The following COL25A1 variants were observed in gnomAD, a reference collection of about 807,000 sequenced individuals.
COL25A1 encodes collagen type XXV alpha 1 chain, also known as collagen alpha-1(XXV) chain.
In COL25A1, 103 loss-of-function variants were observed where a neutral mutation model predicts 128.4. The observed-to-expected ratio is 0.80, with a 90% confidence interval of 0.68 to 0.94. COL25A1 has a LOEUF of 0.94. Ranked by LOEUF, COL25A1 falls within the 40% of genes least tolerant of loss-of-function variation. COL25A1 has a pLI of 0.00. For synonymous variants in COL25A1, 279 were observed against 277.2 expected, an observed-to-expected ratio of 1.01 and a Z score of -0.06; for missense variants, 745 against 840.0, an observed-to-expected ratio of 0.89 and a Z score of 1.40.
At chr4:109,102,884 T>C (rs972559186) in intron 3 of COL25A1, among the ~76,000 whole-genome samples, 5 of 152,170 alleles carry the variant, frequency 3.3e-5, no homozygotes, top group Non-Finnish European at 7.4e-5. Context: ...ATCTGAAAAA[T>C]CTCTGCCTTT....
chr4:108,904,460 T>C (rs1743222597), intron 13 of COL25A1, among the ~76,000 whole-genome samples: 1 of 152,196 alleles, frequency 6.6e-6, no homozygotes, highest in Non-Finnish European at 1.5e-5. Context: ...GAATAAAGCA[T>C]ACATCTTATA....
chr4:109,138,293 A>T (rs751513398), intron 3 of COL25A1, among the ~76,000 whole-genome samples: 1 of 152,128 alleles, frequency 6.6e-6, no homozygotes, highest in Non-Finnish European at 1.5e-5. Flanking sequence ...AGCTTCATCC[A>T]TGTCCCTGCA....
intron 3 of COL25A1, among the ~76,000 whole-genome samples, chr4:109,201,270 T>C (rs1169433141): frequency 6.6e-6 from 1 of 152,134 alleles, no homozygotes; most frequent in African/African-American, 2.4e-5. Context: ...AATCCAATAA[T>C]ATATTAAAAG....
chr4:109,091,987 A>C (rs997596214), intron 3 of COL25A1, among the ~76,000 whole-genome samples: 4 of 152,234 alleles, frequency 2.6e-5, no homozygotes, highest in African/African-American at 9.6e-5. Context: ...CATGTTGGTC[A>C]GGAGCAATGG....
intron 3 of COL25A1, among the ~76,000 whole-genome samples, chr4:109,082,399 C>T (rs1347686889): frequency 6.6e-6 from 1 of 152,202 alleles, no homozygotes; most frequent in East Asian, 1.9e-4. Context: ...TCCAAAGAGG[C>T]TGTACCATTT....
At chr4:108,963,932 A>G (rs1180181187) in intron 8 of COL25A1, among the ~76,000 whole-genome samples, 36 of 151,488 alleles carry the variant, frequency 2.4e-4, no homozygotes, top group Admixed American at 2.4e-3. Context: ...TCACATGAAA[A>G]AGTAAGAATA....
In COL25A1 at chr4:109,183,871, A is replaced by C. The variant is rs528578598; in HGVS notation, c.367+116712T>G. On this transcript the variant is annotated intron_variant, in intron 3 of 37. Coordinates refer to ENST00000399132, the MANE Select transcript of COL25A1 (RefSeq NM_198721.4). Reference sequence around the variant, plus strand: ...AAAGAATAAACTGATGTTTAAACTTAAAATATTTATGAAGCCCATATTACT... The same window carrying C: ...AAAGAATAAACTGATGTTTAAACTTCAAATATTTATGAAGCCCATATTACT... Among the ~76,000 whole-genome samples, 7 of 152,034 alleles carry C rather than the reference A, an allele frequency of 4.6e-5. No individual in the cohort carries two copies. In the East Asian group the frequency reaches 1.4e-3, roughly 29 times the overall value.
intron 13 of COL25A1, among the ~76,000 whole-genome samples, chr4:108,914,250 AG>A (rs1744602015): frequency 6.6e-6 from 1 of 152,140 alleles, no homozygotes; most frequent in Admixed American, 6.5e-5. Flanking sequence ...AGTATCTCTG[AG>A]AAACTTAGAG....
intron 3 of COL25A1, among the ~76,000 whole-genome samples, chr4:109,086,849 A>G (rs1208153034): frequency 6.6e-6 from 1 of 152,212 alleles, no homozygotes; most frequent in South Asian, 2.1e-4. Flanking sequence ...TACAGGAGTT[A>G]GTTGAATATC....
At chr4:109,141,102 T>C (rs2526444) in intron 3 of COL25A1, among the ~76,000 whole-genome samples, 94,274 of 151,948 alleles carry the variant, frequency 0.62, 29,839 homozygotes, top group East Asian at 0.75. Flanking sequence ...TTTTGAGATA[T>C]GTTCCATCAA....
At chr4:109,247,073 T>C (rs140451397) in intron 3 of COL25A1, among the ~76,000 whole-genome samples, 2 of 152,298 alleles carry the variant, frequency 1.3e-5, no homozygotes, top group East Asian at 1.9e-4. Context: ...TAAAGAAAGA[T>C]AAGCTTGAGG....
intron 3 of COL25A1, among the ~76,000 whole-genome samples, chr4:109,261,123 A>G (rs571625913): frequency 7.2e-5 from 11 of 152,332 alleles, no homozygotes; most frequent in African/African-American, 2.6e-4. Context: ...TTGAGGTTTT[A>G]TTATCTTTAG....
chr4:109,292,802 G>C (rs1724598669), intron 3 of COL25A1, among the ~76,000 whole-genome samples: 3 of 151,990 alleles, frequency 2.0e-5, no homozygotes, highest in Admixed American at 2.0e-4. Flanking sequence ...CCTGAGAAAA[G>C]CAGTTATTTA....
chr4:109,276,648 T>C (rs1446488364), intron 3 of COL25A1, among the ~76,000 whole-genome samples: 1 of 152,058 alleles, frequency 6.6e-6, no homozygotes, highest in East Asian at 1.9e-4. Context: ...CTGGTGTCAG[T>C]CATAGAGTAG....
At chr4:109,082,683 T>C (rs1385891411) in intron 3 of COL25A1, among the ~76,000 whole-genome samples, 1 of 152,224 alleles carries the variant, frequency 6.6e-6, no homozygotes, top group African/African-American at 2.4e-5. Context: ...TTTTATATTC[T>C]AGATACGCAT....
At chr4:108,963,159 C>T (rs138116608) in intron 8 of COL25A1, among the ~76,000 whole-genome samples, 1 of 152,142 alleles carries the variant, frequency 6.6e-6, no homozygotes, top group African/African-American at 2.4e-5. Flanking sequence ...AGGGAAGAAT[C>T]AAAAATATAA....
chr4:109,159,508 T>TA (rs1772359760), intron 3 of COL25A1, among the ~76,000 whole-genome samples: 1 of 152,328 alleles, frequency 6.6e-6, no homozygotes, highest in African/African-American at 2.4e-5. Flanking sequence ...CATCCTTTGC[T>TA]AGGTCTTTGC....
intron 3 of COL25A1, among the ~76,000 whole-genome samples, chr4:109,055,304 G>C (rs1216618096): frequency 6.6e-6 from 1 of 152,180 alleles, no homozygotes; most frequent in Non-Finnish European, 1.5e-5. Flanking sequence ...GCTCTGCTCA[G>C]AACCTGGACC....
intron 3 of COL25A1, among the ~76,000 whole-genome samples, chr4:109,075,657 A>T (rs1005451704): frequency 3.3e-5 from 5 of 152,282 alleles, no homozygotes; most frequent in African/African-American, 9.6e-5. Context: ...CCCAAAGGAA[A>T]AAAGTTAACA....
Sources: gnomAD v4.1 joint callset for allele counts (sites outside exome capture counted in the v4.1 genomes callset) on GRCh38, gnomAD v4.1.1 for gene constraint, MANE v1.5 for transcripts, NCBI Gene and HGNC (gene_info 2026-07-23, HGNC 2026-07-21) for gene names.